The following FAM222B variants were observed in gnomAD, a reference collection of about 807,000 sequenced individuals.
FAM222B encodes the protein family with sequence similarity 222 member B.
A neutral mutation model predicts 38.0 loss-of-function variants in FAM222B; 12 were observed. The observed-to-expected ratio is 0.32, with a 90% CI of 0.20 to 0.51. FAM222B has a LOEUF of 0.51. FAM222B is among the 20% of genes least tolerant of loss of function. The pLI is 0.97. For synonymous variants in FAM222B, 329 were observed against 317.2 expected, an observed-to-expected ratio of 1.04 and a Z score of -0.40; for missense variants, 716 against 754.2, an observed-to-expected ratio of 0.95 and a Z score of 0.59.
chr17:28,818,422 GGAGGCT>G (rs2038101334), intron 1 of FAM222B, among the ~76,000 whole-genome samples: 3 of 151,786 alleles, frequency 2.0e-5, no homozygotes, highest in Admixed American at 2.0e-4. Flanking sequence ...CAGCTACTTG[GGAGGCT>G]GAGGCAGGAG....
chr17:28,853,941 C>CTT lies in FAM222B; in HGVS notation c.-41+1007_-41+1008dup, dbSNP rs34393247. On this transcript the variant is annotated intron_variant, in intron 1 of 2. Transcript: ENST00000577513. ...CCTCTACCAAAGTTTATCTCTGTTT[C>CTT]TTTTTTTTTTTTTTTTTTTTGAGAT... is the stretch of plus-strand genomic sequence containing the variant. Among the ~76,000 whole-genome samples the CTT allele has an allele frequency of 1.7e-3, 204 of 119,956 alleles. 3 individuals carry two copies. Among genetic ancestry groups the CTT allele is most frequent in the African/African-American group, 5.0e-3 (153 of 30,586 alleles). The allele number at this position is 119,956 out of a possible 152,430, so 78.7% of individuals were successfully genotyped here. A position where few individuals can be genotyped will look rare whatever the true frequency, so the allele number is the denominator to read the frequency against.
intron 1 of FAM222B, among the ~76,000 whole-genome samples, chr17:28,820,787 C>T (rs2038185644): frequency 6.6e-6 from 1 of 151,980 alleles, no homozygotes. Context: ...GCGCCTGCCA[C>T]CACGCCCAGC....
intron 1 of FAM222B, among the ~76,000 whole-genome samples, chr17:28,797,811 C>T (rs1289591918): frequency 6.6e-6 from 1 of 151,990 alleles, no homozygotes; most frequent in South Asian, 2.1e-4. Flanking sequence ...GCCTGTAATC[C>T]CAGAAATTTA....
Position 28,823,061 on chromosome 17 carries a change from G to GA in FAM222B, c.-41+19620dup, listed in dbSNP as rs572484727. Among the ~76,000 whole-genome samples the GA allele has an allele frequency of 1.9e-3, 266 of 141,684 alleles. 1 individual carries two copies. Among genetic ancestry groups the GA allele is most frequent in the African/African-American group, 6.2e-3 (240 of 38,584 alleles). The allele number at this position is 141,684 out of a possible 152,430, so 93.0% of individuals were successfully genotyped here. On this transcript the variant is annotated intron_variant, in intron 1 of 2. Coordinates refer to ENST00000581407, the MANE Select transcript of FAM222B (RefSeq NM_001077498.3). ...AGAGACTGAGACTCCATCTTGGGGGGAAAAAAAAAACATATTCAACTGGAA... is the reference window on the plus strand; with the variant it reads ...AGAGACTGAGACTCCATCTTGGGGGGAAAAAAAAAAACATATTCAACTGGAA...
At chr17:28,837,258 G>A (rs1000702395) in intron 1 of FAM222B, among the ~76,000 whole-genome samples, 2 of 151,860 alleles carry the variant, frequency 1.3e-5, no homozygotes, top group African/African-American at 2.4e-5. Flanking sequence ...GTGAAACCTC[G>A]TGTCTACTAA....
chr17:28,770,940 T>TTATA (rs149757455), intron 1 of FAM222B, among the ~76,000 whole-genome samples: 2 of 150,582 alleles, frequency 1.3e-5, no homozygotes, highest in African/African-American at 4.9e-5. Flanking sequence ...TAAGAGGCAA[T>TTATA]TATATATATA....
chr17:28,757,556 G>GT lies in FAM222B; in HGVS notation c.*713dup, dbSNP rs1415375554. 6.6e-6 allele frequency: 1 copy of GT among 152,008 alleles called. No individual in the cohort carries two copies. Among genetic ancestry groups the GT allele is most frequent in the Non-Finnish European group, 1.5e-5 (1 of 67,998 alleles). The allele number at this position is 152,008 out of a possible 1,614,324, so 9.4% of individuals were successfully genotyped here. ...ATCTTGGGTATGCTCAAAGGTCACT[G>GT]TATTTTTCTAGGTTTGGAAAGGGGA... On this transcript the variant is annotated 3_prime_UTR_variant, in exon 3 of 3. Coordinates refer to ENST00000581407, the MANE Select transcript of FAM222B (RefSeq NM_001077498.3).
At chr17:28,776,357 C>G (rs1019244547) in intron 1 of FAM222B, among the ~76,000 whole-genome samples, 1 of 116,756 alleles carries the variant, frequency 8.6e-6, no homozygotes, top group African/African-American at 3.4e-5. Context: ...GCCTGGGCAA[C>G]AGAGCGAGAC....
At chr17:28,783,510 TGAG>T (rs1567825995) in intron 1 of FAM222B, among the ~76,000 whole-genome samples, 6 of 101,706 alleles carry the variant, frequency 5.9e-5, no homozygotes, top group Non-Finnish European at 4.5e-5. Flanking sequence ...CCTACCTTCA[TGAG>T]ATTTTTTTTT....
At chr17:28,854,663 T>C (rs563053598) in intron 1 of FAM222B, among the ~76,000 whole-genome samples, 1 of 152,096 alleles carries the variant, frequency 6.6e-6, no homozygotes, top group East Asian at 1.9e-4. Flanking sequence ...GGCGGAACAG[T>C]GCCCCCTCCC....
chr17:28,833,755 T>C (rs1437247824), intron 1 of FAM222B, among the ~76,000 whole-genome samples: 1 of 151,776 alleles, frequency 6.6e-6, no homozygotes, highest in Non-Finnish European at 1.5e-5. Context: ...ATGAACAACA[T>C]ATAAAGCAAC....
Position 28,824,022 on chromosome 17 carries a change from C to T in FAM222B, c.-41+18660G>A, listed in dbSNP as rs1029185585. Among the ~76,000 whole-genome samples the T allele has an allele frequency of 4.0e-5, 6 of 151,854 alleles. No homozygotes were observed. In the South Asian group the frequency reaches 8.3e-4, roughly 21 times the overall value. On this transcript the variant is annotated intron_variant, in intron 1 of 2. Coordinates refer to ENST00000581407, the MANE Select transcript of FAM222B (RefSeq NM_001077498.3). ...CCTCCCAAGTAGCTGGGACTACAGG[C>T]GCCTGCCACCACACCCAGCTCATTT...
Position 28,759,743 on chromosome 17 carries a change from T to C in FAM222B, c.216A>G (p.Lys72=). The C allele has an allele frequency of 6.2e-7, 1 of 1,613,788 alleles. No homozygotes were observed. The highest frequency in any genetic ancestry group is 1.3e-5 in the African/African-American group (1 of 75,028). Residue 72 remains lysine (K), a synonymous_variant, in exon 3 of 3, where the codon AAA becomes AAG. Coordinates refer to ENST00000581407, the MANE Select transcript of FAM222B (RefSeq NM_001077498.3). The surrounding 1 kb of genome is among the most constrained non-coding windows in gnomAD (Gnocchi z 4.8). ...FPNSVKVPQR[K]HVRRTVNGLD... ...GGCCGTTCACAGTACGACGAACGTG[T>C]TTCCGCTGGGGAACCTTCACACTGT...
chr17:28,794,412 G>T (rs1217187440), intron 1 of FAM222B, among the ~76,000 whole-genome samples: 1 of 151,642 alleles, frequency 6.6e-6, no homozygotes, highest in Non-Finnish European at 1.5e-5. Context: ...TAGAGACGGG[G>T]TTTCAACATG....
chr17:28,769,456 C>A (rs2035514928), intron 1 of FAM222B, among the ~76,000 whole-genome samples: 1 of 152,104 alleles, frequency 6.6e-6, no homozygotes, highest in Admixed American at 6.5e-5. Flanking sequence ...GCTGGGATTA[C>A]AGGCGTAAGC....
chr17:28,854,880 C>T (rs2039216132), intron 1 of FAM222B: 1 of 745,160 alleles, frequency 1.3e-6, no homozygotes, highest in African/African-American at 1.8e-5. Flanking sequence ...TAGCCTCCAC[C>T]AGTCTCCAGA....
chr17:28,770,089 CTCT>C (rs570710355), intron 1 of FAM222B, among the ~76,000 whole-genome samples: 28 of 152,236 alleles, frequency 1.8e-4, no homozygotes, highest in Admixed American at 1.6e-3. Flanking sequence ...TTGTTAACTC[CTCT>C]ATTTCCCTCA....
intron 1 of FAM222B, among the ~76,000 whole-genome samples, chr17:28,779,226 A>G (rs1028962709): frequency 6.6e-6 from 1 of 152,170 alleles, no homozygotes; most frequent in African/African-American, 2.4e-5. Context: ...AGACAAGGAC[A>G]CTACAAGAAA....
At chr17:28,824,172 C>A (rs938580072) in intron 1 of FAM222B, among the ~76,000 whole-genome samples, 1 of 151,490 alleles carries the variant, frequency 6.6e-6, no homozygotes, top group African/African-American at 2.4e-5. Flanking sequence ...CCACCACGCC[C>A]GGCCGAGAAT....
Sources: gnomAD v4.1 joint callset for allele counts (sites outside exome capture counted in the v4.1 genomes callset) on GRCh38, gnomAD v4.1.1 for gene constraint, Gnocchi (gnomAD v3.1) non-coding constraint, MANE v1.5 for transcripts, NCBI Gene and HGNC (gene_info 2026-07-23, HGNC 2026-07-21) for gene names.